PDCD6IP: variants seen among roughly 807,000 people sequenced by gnomAD.
PDCD6IP encodes the protein programmed cell death 6-interacting protein.
PDCD6IP carries 43 observed loss-of-function variants against 103.7 expected under a neutral mutation model. The observed-to-expected ratio is 0.41, with a 90% CI of 0.32 to 0.53. The LOEUF is 0.53. Among genes scored for constraint, PDCD6IP ranks in the 20% least tolerant of loss-of-function variants. The pLI is 0.16. For synonymous variants in PDCD6IP, 354 were observed against 378.7 expected, an observed-to-expected ratio of 0.93 and a Z score of 0.76; for missense variants, 871 against 1,036.7, an observed-to-expected ratio of 0.84 and a Z score of 2.20.
rs1318544280 is a variant in PDCD6IP, at chr3:33,852,720, T to A, written c.1874T>A (p.Leu625His). 2 of 1,580,186 alleles carry A rather than the reference T, an allele frequency of 1.3e-6. No homozygotes were observed. The highest frequency in any genetic ancestry group is 1.7e-6 in the Non-Finnish European group (2 of 1,170,418). Residue 625 changes from leucine to histidine, a missense_variant, in exon 13 of 18, where the codon CTT becomes CAT. Leu to His is a moderately conservative substitution (Grantham distance 99). Coordinates refer to ENST00000307296, the MANE Select transcript of PDCD6IP (RefSeq NM_013374.6). ...GAATCTCTAAAGAAACAGGAGGGAC[T>A]TCTTAAAAATATTCAGGTGAAATTT... is the stretch of plus-strand genomic sequence containing the variant. The part of the protein sequence containing the change: ...VQESLKKQEG[L>H]LKNIQVSHQE...
At chr3:33,821,407 T>G (rs1696989703) in intron 3 of PDCD6IP, among the ~76,000 whole-genome samples, 2 of 152,082 alleles carry the variant, frequency 1.3e-5, no homozygotes. Context: ...GGAGCTATCC[T>G]AAGTGGATGT....
chr3:33,861,836 C>T (rs1301137087), intron 15 of PDCD6IP, among the ~76,000 whole-genome samples: 1 of 152,050 alleles, frequency 6.6e-6, no homozygotes, highest in African/African-American at 2.4e-5. Flanking sequence ...TTTCTGTTTT[C>T]ATTGAAATCT....
chr3:33,841,987 G>C lies in PDCD6IP; in HGVS notation c.1272G>C (p.Val424=), dbSNP rs1279642520. ...CTATATTGACTAAATCCAGATCTGT[G>C]ATTGAACAGGGAGGCATCCAGACTG... ...PQSILTKSRS[V]IEQGGIQTVD... is the part of the protein sequence containing the mutation. The change falls in exon 10 of 18, where the codon GTG becomes GTC. Residue 424 remains valine, a synonymous_variant. Coordinates refer to ENST00000307296, the MANE Select transcript of PDCD6IP (RefSeq NM_013374.6). 6.2e-7 allele frequency: 1 copy of C among 1,601,986 alleles called. No homozygotes were observed. Among genetic ancestry groups the C allele is most frequent in the Non-Finnish European group, 8.6e-7 (1 of 1,168,972 alleles).
chr3:33,820,684 A>G (rs1696971637), intron 3 of PDCD6IP, among the ~76,000 whole-genome samples: 1 of 152,128 alleles, frequency 6.6e-6, no homozygotes, highest in African/African-American at 2.4e-5. Context: ...CTGACATTTC[A>G]TTTAGCTTAA....
At chr3:33,850,122 C>T (rs1697681523) in intron 12 of PDCD6IP, among the ~76,000 whole-genome samples, 1 of 152,142 alleles carries the variant, frequency 6.6e-6, no homozygotes, top group Non-Finnish European at 1.5e-5. Flanking sequence ...TAGATTATCT[C>T]AGTCTGCACA....
rs569090440 is a variant in PDCD6IP at position 33,832,161 on chromosome 3, G to A, written c.834+3192G>A. Among the ~76,000 whole-genome samples, 103 of 152,260 alleles carry A rather than the reference G, an allele frequency of 6.8e-4. 1 individual carries two copies. The highest frequency in any genetic ancestry group is 8.4e-4 in the Non-Finnish European group (57 of 68,006). ...TAGTTCTGGAGCCTGGAAATCCAAG[G>A]TCAGGGTGCCAGTATGGTCATATTC... On this transcript the variant is annotated intron_variant, in intron 7 of 17. Transcript: ENST00000307296.
chr3:33,814,542 A>G (rs1242780332), intron 3 of PDCD6IP, among the ~76,000 whole-genome samples: 1 of 149,894 alleles, frequency 6.7e-6, no homozygotes, highest in East Asian at 1.9e-4. Context: ...TGTAATGTAT[A>G]TGTGATATAT....
intron 15 of PDCD6IP, among the ~76,000 whole-genome samples, chr3:33,858,606 C>G (rs1042745888): frequency 1.3e-5 from 2 of 152,044 alleles, no homozygotes; most frequent in African/African-American, 4.8e-5. Context: ...GTCAGGAGAT[C>G]GAGACCATCC....
chr3:33,836,733 C>T lies in PDCD6IP; in HGVS notation c.1057+467C>T, dbSNP rs544050319. ...AATTAACTGGGCATGGTGGTGCATG[C>T]CTGTGGCTTTAGCTACTCTGGAGGC... On this transcript the variant is annotated intron_variant, in intron 8 of 17. Coordinates refer to ENST00000307296, the MANE Select transcript of PDCD6IP (RefSeq NM_013374.6). Among the ~76,000 whole-genome samples the T allele has an allele frequency of 2.6e-5, 4 of 151,324 alleles. No individual in the cohort carries two copies. In the South Asian group the frequency reaches 8.4e-4, roughly 32 times the overall value.
intron 1 of PDCD6IP, chr3:33,799,291 C>T (rs1011374463): frequency 1.7e-5 from 4 of 230,876 alleles, no homozygotes; most frequent in Non-Finnish European, 3.3e-5. Context: ...CCCCTTTCGC[C>T]CCATTTTTCC....
At chr3:33,837,239 A>G (rs1697370881) in intron 8 of PDCD6IP, among the ~76,000 whole-genome samples, 1 of 152,016 alleles carries the variant, frequency 6.6e-6, no homozygotes, top group Non-Finnish European at 1.5e-5. Flanking sequence ...AAACATGTAA[A>G]CTTCTGGAGT....
chr3:33,828,914 A>G lies in PDCD6IP; in HGVS notation c.779A>G (p.Gln260Arg), dbSNP rs749136336. ...CIMQANAEYH[Q>R]SILAKQQKKF... ...ATGCAGGCCAATGCTGAGTACCATCAGTCTATCCTGGCAAAACAGCAGAAG... is the reference window on the plus strand; with the variant it reads ...ATGCAGGCCAATGCTGAGTACCATCGGTCTATCCTGGCAAAACAGCAGAAG... The change falls in exon 7 of 18, where the codon CAG becomes CGG. Residue 260 changes from glutamine to arginine, a missense_variant. Coordinates refer to ENST00000307296, the MANE Select transcript of PDCD6IP (RefSeq NM_013374.6). 5 of 1,611,222 alleles carry G rather than the reference A, an allele frequency of 3.1e-6. No homozygotes were observed. The highest frequency in any genetic ancestry group is 3.4e-6 in the Non-Finnish European group (4 of 1,178,368).
At chr3:33,841,362 A>AT (rs1467214240) in intron 9 of PDCD6IP, among the ~76,000 whole-genome samples, 2 of 119,042 alleles carry the variant, frequency 1.7e-5, no homozygotes, top group African/African-American at 6.4e-5. Context: ...TGTGGGCTTC[A>AT]TTTTTTAATG....
intron 3 of PDCD6IP, among the ~76,000 whole-genome samples, chr3:33,820,153 C>T (rs1696956287): frequency 1.3e-5 from 2 of 152,046 alleles, no homozygotes; most frequent in Non-Finnish European, 1.5e-5. Flanking sequence ...GTATGGTGGC[C>T]TGTGCCTGTA....
chr3:33,826,632 G>C, intron 6 of PDCD6IP, 52 bp downstream of exon 6: 1 of 1,601,740 alleles, frequency 6.2e-7, no homozygotes, highest in Non-Finnish European at 8.5e-7. Context: ...GAAATATTTA[G>C]ACTTTTTTGT....
At chr3:33,818,600 C>G (rs988596669) in intron 3 of PDCD6IP, among the ~76,000 whole-genome samples, 35 of 146,622 alleles carry the variant, frequency 2.4e-4, no homozygotes, top group African/African-American at 8.4e-4. Context: ...CTCACTGCAA[C>G]CTCCGCCTCC....
At chr3:33,829,175 T>G (rs1697192742) in intron 7 of PDCD6IP, among the ~76,000 whole-genome samples, 1 of 152,194 alleles carries the variant, frequency 6.6e-6, no homozygotes, top group Non-Finnish European at 1.5e-5. Context: ...AAATTTGCAT[T>G]CAATTCTCTT....
chr3:33,802,869 T>G (rs1426300678), intron 1 of PDCD6IP, among the ~76,000 whole-genome samples: 3 of 152,202 alleles, frequency 2.0e-5, no homozygotes, highest in Non-Finnish European at 2.9e-5. Context: ...TGAAGGATTT[T>G]CAACCATACC....
At chr3:33,855,342 T>G in intron 15 of PDCD6IP, 82 bp downstream of exon 15, 1 of 770,202 alleles carries the variant, frequency 1.3e-6, no homozygotes, top group Non-Finnish European at 2.2e-6. Context: ...ATGAACTTGG[T>G]AGTATGAGAT....
Sources: gnomAD v4.1 joint callset for allele counts (sites outside exome capture counted in the v4.1 genomes callset) on GRCh38, gnomAD v4.1.1 for gene constraint, MANE v1.5 for transcripts, NCBI Gene and HGNC (gene_info 2026-07-23, HGNC 2026-07-21) for gene names.